The following COL26A1 variants were observed in gnomAD, a reference collection of about 807,000 sequenced individuals.
COL26A1 encodes collagen alpha-1(XXVI) chain.
Under a neutral mutation model 59.3 loss-of-function variants are expected in COL26A1, and 41 were observed. The observed-to-expected ratio is 0.69, with a 90% CI of 0.54 to 0.90. COL26A1 has a LOEUF of 0.90. Among genes scored for constraint, COL26A1 ranks in the 40% least tolerant of loss-of-function variants. COL26A1 has a pLI of 0.00. For missense variants in COL26A1, 612 were observed against 602.3 expected (o/e 1.02, Z -0.17); for synonymous variants, 266 against 256.0 (o/e 1.04, Z -0.37).
At chr7:101,471,875 C>T (rs765030986) in intron 3 of COL26A1, among the ~76,000 whole-genome samples, 11 of 151,970 alleles carry the variant, frequency 7.2e-5, no homozygotes, top group South Asian at 6.2e-4. Flanking sequence ...CCGCTGCGCC[C>T]GGCCAGAATA....
chr7:101,395,832 G>A (rs990860159), intron 1 of COL26A1, among the ~76,000 whole-genome samples: 1 of 152,176 alleles, frequency 6.6e-6, no homozygotes, highest in Admixed American at 6.5e-5. Flanking sequence ...CCCGCTGAGG[G>A]CAGCTCAGGT....
Position 101,466,795 on chromosome 7 carries a change from G to GGTGTGTGTGTGTGTGTGT in COL26A1, c.385+19034_385+19051dup, listed in dbSNP as rs59942660. On this transcript the variant is annotated intron_variant, in intron 3 of 12. Coordinates refer to ENST00000313669, the MANE Select transcript of COL26A1 (RefSeq NM_001278563.3). Reference sequence around the variant, plus strand: ...GAATGCTAAGACCCCGGCATGTTCTGGTGTGTGTGTGTGTGTGTGTGTGTG... The same window carrying GGTGTGTGTGTGTGTGTGT: ...GAATGCTAAGACCCCGGCATGTTCTGGTGTGTGTGTGTGTGTGTGTGTGTGTGTGTGTGTGTGTGTGTG... 1.0e-3 allele frequency among the ~76,000 whole-genome samples: 127 copies of GGTGTGTGTGTGTGTGTGT among 125,232 alleles called. 2 individuals are homozygous for GGTGTGTGTGTGTGTGTGT. The East Asian group carries it at 0.012, about 11-fold the overall frequency. 82.2% of individuals were successfully genotyped at this position (125,232 alleles called of 152,430 possible). A position where few individuals can be genotyped will look rare whatever the true frequency, so the allele number is the denominator to read the frequency against.
chr7:101,363,607 CGCGGGGCTGCGGGGCTGCGGGGTT>C lies in COL26A1; in HGVS notation c.158+424_158+447del, dbSNP rs1790962041. Among the ~76,000 whole-genome samples, 4 of 118,242 alleles carry C rather than the reference CGCGGGGCTGCGGGGCTGCGGGGTT, an allele frequency of 3.4e-5. No individual in the cohort carries two copies. The South Asian group carries it at 8.2e-4, about 24-fold the overall frequency. 77.6% of individuals were successfully genotyped at this position (118,242 alleles called of 152,430 possible). A position where few individuals can be genotyped will look rare whatever the true frequency, so the allele number is the denominator to read the frequency against. ...GATGGAGGAGGCTGGGGGTTGGGGC[CGCGGGGCTGCGGGGCTGCGGGGTT>C]GCGGGGGCTGAAGGTTCGGGTCCGG... On this transcript the variant is annotated intron_variant, in intron 1 of 12. Coordinates refer to ENST00000313669, the MANE Select transcript of COL26A1 (RefSeq NM_001278563.3).
intron 5 of COL26A1, among the ~76,000 whole-genome samples, chr7:101,540,251 G>A (rs952554039): frequency 1.3e-5 from 2 of 152,162 alleles, no homozygotes; most frequent in Non-Finnish European, 2.9e-5. Flanking sequence ...AGAAGTAGAC[G>A]ATCTGGTCAG....
chr7:101,439,553 G>GAA (rs574285424), intron 2 of COL26A1, among the ~76,000 whole-genome samples: 35 of 81,924 alleles, frequency 4.3e-4, no homozygotes, highest in African/African-American at 1.5e-3. Context: ...GACTCCGTCT[G>GAA]AAAAAAAAAA....
At chr7:101,371,045 T>C (rs1358583724) in intron 1 of COL26A1, among the ~76,000 whole-genome samples, 1 of 152,200 alleles carries the variant, frequency 6.6e-6, no homozygotes, top group Non-Finnish European at 1.5e-5. Context: ...GCAGCCGTCC[T>C]TGGGCAAGCG....
intron 10 of COL26A1, among the ~76,000 whole-genome samples, chr7:101,552,710 G>A (rs1795885736): frequency 6.6e-6 from 1 of 152,072 alleles, no homozygotes; most frequent in African/African-American, 2.4e-5. Flanking sequence ...AGTTCGAGAT[G>A]AGCCTGGCCA....
At chr7:101,466,414 T>C (rs1335648771) in intron 3 of COL26A1, among the ~76,000 whole-genome samples, 1 of 151,978 alleles carries the variant, frequency 6.6e-6, no homozygotes, top group Non-Finnish European at 1.5e-5. Context: ...GAAACCCACA[T>C]TGATTAGCCG....
rs999795050 is a variant in COL26A1, at chr7:101,363,561, G to T, written c.158+371G>T. Among the ~76,000 whole-genome samples the T allele has an allele frequency of 2.0e-3, 272 of 136,534 alleles. 2 individuals carry two copies. Among genetic ancestry groups the T allele is most frequent in the South Asian group, 4.2e-3 (17 of 4,020 alleles). 89.6% of individuals were successfully genotyped at this position (136,534 alleles called of 152,430 possible). A position where few individuals can be genotyped will look rare whatever the true frequency, so the allele number is the denominator to read the frequency against. ...GGGGCGGCGGGGGTTGGGGGCTGCA[G>T]ACGGGGCAGCTGGAACGAGCGATGG... On this transcript the variant is annotated intron_variant, in intron 1 of 12. Coordinates refer to ENST00000313669, the MANE Select transcript of COL26A1 (RefSeq NM_001278563.3).
At chr7:101,463,636 T>TTCCTTCCATCCTTCCA (rs1294437692) in intron 3 of COL26A1, among the ~76,000 whole-genome samples, 96 of 50,484 alleles carry the variant, frequency 1.9e-3, no homozygotes, top group African/African-American at 6.8e-3. Flanking sequence ...TCTTCCTTCC[T>TTCCTTCCATCCTTCCA]TCCTTCCATC....
chr7:101,414,069 G>A (rs143552600), intron 1 of COL26A1, among the ~76,000 whole-genome samples: 9 of 152,206 alleles, frequency 5.9e-5, no homozygotes, highest in South Asian at 2.1e-4. Context: ...CCACAACCGC[G>A]GCTACCTGGG....
chr7:101,504,709 C>T (rs1041170715), intron 3 of COL26A1, among the ~76,000 whole-genome samples: 5 of 152,216 alleles, frequency 3.3e-5, no homozygotes, highest in Admixed American at 6.5e-5. Flanking sequence ...ACTTCCTTGT[C>T]GTCCACACGA....
intron 3 of COL26A1, among the ~76,000 whole-genome samples, chr7:101,493,533 A>G (rs1272110283): frequency 1.3e-5 from 2 of 152,112 alleles, no homozygotes; most frequent in Non-Finnish European, 2.9e-5. Context: ...TGAATCCTGT[A>G]GACTCTTACT....
chr7:101,516,605 G>C (rs1046609474), intron 3 of COL26A1, among the ~76,000 whole-genome samples: 2 of 152,144 alleles, frequency 1.3e-5, no homozygotes, highest in African/African-American at 2.4e-5. Context: ...ACAAATTACA[G>C]CTGTCTTTTC....
chr7:101,465,034 C>CTTTTTTTT (rs112899121), intron 3 of COL26A1, among the ~76,000 whole-genome samples: 6 of 130,052 alleles, frequency 4.6e-5, no homozygotes, highest in African/African-American at 8.5e-5. Flanking sequence ...TTCTTTCTTT[C>CTTTTTTTT]TTTTTTTTTT....
At chr7:101,452,482 A>G (rs2130393257) in intron 3 of COL26A1, among the ~76,000 whole-genome samples, 1 of 152,340 alleles carries the variant, frequency 6.6e-6, no homozygotes, top group Middle Eastern at 3.4e-3. Flanking sequence ...TATGATCAAT[A>G]TACAGTCATG....
chr7:101,448,955 C>A (rs375960541), intron 3 of COL26A1, among the ~76,000 whole-genome samples: 1 of 152,186 alleles, frequency 6.6e-6, no homozygotes, highest in Non-Finnish European at 1.5e-5. Context: ...CAAAGAATAA[C>A]GCAATTGACA....
chr7:101,408,170 CCAG>C (rs1446026108), intron 1 of COL26A1, among the ~76,000 whole-genome samples: 9 of 152,164 alleles, frequency 5.9e-5, no homozygotes, highest in Non-Finnish European at 1.5e-5. Context: ...AGATTCTGAG[CCAG>C]AGTCTAACAT....
chr7:101,426,937 G>T (rs1408757938), intron 2 of COL26A1, among the ~76,000 whole-genome samples: 1 of 152,172 alleles, frequency 6.6e-6, no homozygotes, highest in African/African-American at 2.4e-5. Flanking sequence ...TAGCCGCCTT[G>T]TGTGGTACTC....
Sources: allele counts gnomAD v4.1 joint callset (sites outside exome capture counted in the v4.1 genomes callset), GRCh38; gene constraint gnomAD v4.1.1; transcripts MANE v1.5; gene names NCBI Gene and HGNC (gene_info 2026-07-23, HGNC 2026-07-21).